Variants in MORC2 observed in about 807,000 individuals in gnomAD.
MORC2 encodes MORC family CW-type zinc finger 2, also known as ATPase MORC2.
Under a neutral mutation model 136.0 loss-of-function variants are expected in MORC2, and 30 were observed. The observed-to-expected ratio is 0.22, with a 90% CI of 0.17 to 0.30. The LOEUF (loss-of-function observed/expected upper bound fraction) is 0.30. Among genes scored for constraint, MORC2 ranks in the 10% least tolerant of loss-of-function variants. MORC2 has a pLI of 1.00. For synonymous variants in MORC2, 439 were observed against 487.0 expected (o/e 0.90, Z 1.30); for missense variants, 922 against 1,333.1 (o/e 0.69, Z 4.80).
rs542961706 is a variant in MORC2, at chr22:30,965,117, A to G, written c.68+2705T>C. Among the ~76,000 whole-genome samples the G allele has an allele frequency of 1.4e-3, 206 of 152,338 alleles. 8 individuals carry two copies. The South Asian group carries it at 0.042, about 31-fold the overall frequency. ...CCAGGTTTGGCTGGTTTGCAAGCAC[A>G]CGGTCTTTTCACTGCACCACACTGA... On this transcript the variant is annotated intron_variant, in intron 1 of 25. Transcript: ENST00000397641.
At position 30,944,677 on chromosome 22, in the gene MORC2, C is replaced by T. The variant is rs573050868; in HGVS notation, c.426+1664G>A. On this transcript the variant is annotated intron_variant, in intron 6 of 25. Transcript: ENST00000397641. Reference sequence around the variant, plus strand: ...TTCCCCTCTTCATTCTTCCCAATTCCAGAGACCCCACTCCCCAACTGCCAC... The same window carrying T: ...TTCCCCTCTTCATTCTTCCCAATTCTAGAGACCCCACTCCCCAACTGCCAC... Among the ~76,000 whole-genome samples, 6 of 152,306 alleles carry T rather than the reference C, an allele frequency of 3.9e-5. No homozygotes were observed. In the South Asian group the frequency reaches 1.0e-3, roughly 26 times the overall value.
chr22:30,932,856 G>A lies in MORC2; in HGVS notation c.2522+33C>T. On this transcript the variant is annotated intron_variant, in intron 22 of 25. Transcript: ENST00000397641. This position sits in a 1 kb window ranked among gnomAD's most constrained non-coding sequence, Gnocchi z 4.4. Reference sequence around the variant, plus strand: ...GGGAGGCCGGGGATACCTCCTTCGAGGAACCACTGCTCCTCCCTGATTGGG... The same window carrying A: ...GGGAGGCCGGGGATACCTCCTTCGAAGAACCACTGCTCCTCCCTGATTGGG... The A allele has an allele frequency of 1.2e-6, 2 of 1,613,994 alleles. No individual in the cohort carries two copies. The highest frequency in any genetic ancestry group is 1.7e-6 in the Non-Finnish European group (2 of 1,179,910).
At chr22:30,951,660 T>C (rs1258233956) in intron 3 of MORC2, among the ~76,000 whole-genome samples, 1 of 152,218 alleles carries the variant, frequency 6.6e-6, no homozygotes, top group Non-Finnish European at 1.5e-5. Flanking sequence ...TTTCGGAATC[T>C]CCCCCAAGCT....
intron 17 of MORC2, 137 bp from the exon 18 acceptor site, chr22:30,935,459 C>G (rs925936106): frequency 1.3e-6 from 1 of 770,822 alleles, no homozygotes; most frequent in African/African-American, 1.8e-5. Flanking sequence ...ACCTCCTGTT[C>G]TCATTGGGGA....
intron 6 of MORC2, among the ~76,000 whole-genome samples, chr22:30,943,031 C>T (rs953997375): frequency 6.6e-6 from 1 of 151,924 alleles, no homozygotes; most frequent in Non-Finnish European, 1.5e-5. Flanking sequence ...ATAAAAATAA[C>T]CCAAATATCC....
chr22:30,940,688 C>T, intron 10 of MORC2, 70 bp downstream of exon 10: 1 of 1,382,404 alleles, frequency 7.2e-7, no homozygotes, highest in Non-Finnish European at 1.0e-6. Context: ...TTCCTGGAAC[C>T]CCACTTTGCC....
chr22:30,961,633 TAGTA>T lies in MORC2; in HGVS notation c.69-2943_69-2940del, dbSNP rs1602514026. Among the ~76,000 whole-genome samples, 4 of 152,258 alleles carry T rather than the reference TAGTA, an allele frequency of 2.6e-5. No homozygotes were observed. In the East Asian group the frequency reaches 7.7e-4, roughly 29 times the overall value. On this transcript the variant is annotated intron_variant, in intron 1 of 25. Coordinates refer to ENST00000397641, the MANE Select transcript of MORC2 (RefSeq NM_001303256.3). ...CCAGAAAAAAACAAGAGCACAACCA[TAGTA>T]AGTATGAGACCACATCTTGCATCAG...
At chr22:30,933,105 AG>A (rs2040600337) in intron 21 of MORC2, 75 bp from the exon 22 acceptor site, 1 of 1,586,270 alleles carries the variant, frequency 6.3e-7, no homozygotes, top group Non-Finnish European at 8.6e-7. Context: ...ACATCGAGAA[AG>A]GCAGTCCCCA....
At chr22:30,948,248 C>G (rs2040846010) in intron 5 of MORC2, among the ~76,000 whole-genome samples, 1 of 152,184 alleles carries the variant, frequency 6.6e-6, no homozygotes, top group Non-Finnish European at 1.5e-5. Context: ...AATGGCTTGC[C>G]TGAGGCCACA....
chr22:30,928,194 T>C lies in MORC2; in HGVS notation c.2855A>G (p.Lys952Arg). The C allele has an allele frequency of 1.2e-6, 2 of 1,614,104 alleles. No homozygotes were observed. The highest frequency in any genetic ancestry group is 1.7e-6 in the Non-Finnish European group (2 of 1,179,998). Residue 952 changes from lysine to arginine, a missense_variant, in exon 25 of 26, where the codon AAG becomes AGG. Physicochemically the swap from Lys to Arg is conservative, Grantham distance 26 (BLOSUM62 2). Coordinates refer to ENST00000397641, the MANE Select transcript of MORC2 (RefSeq NM_001303256.3). ...GTTTTGGAGCCCTACTTCATATTGC[T>C]TGAAGTACTCCTTCTGTTGGGAGCA... ...LISFPLKEYF[K>R]QYEVGLQNLC...
Position 30,940,656 on chromosome 22 carries a change from C to G in MORC2, c.904+102G>C. The stretch of plus-strand genomic sequence containing the variant: ...TATGCTTCAGGAGACCAGCCTTGTC[C>G]CTGAGTTGTGGACTCAGCCTTTTCC... On this transcript the variant is annotated intron_variant, in intron 10 of 25. Coordinates refer to ENST00000397641, the MANE Select transcript of MORC2 (RefSeq NM_001303256.3). 3.0e-6 allele frequency: 3 copies of G among 987,370 alleles called. No individual in the cohort carries two copies. The South Asian group carries it at 3.9e-5, about 13-fold the overall frequency. The allele number at this position is 987,370 out of a possible 1,614,324, so 61.2% of individuals were successfully genotyped here.
In MORC2 at chr22:30,968,665, G is replaced by A. The variant is rs1336854149; in HGVS notation, c.-776C>T. 2.0e-5 allele frequency among the ~76,000 whole-genome samples: 3 copies of A among 151,996 alleles called. No homozygotes were observed. Among genetic ancestry groups the A allele is most frequent in the Non-Finnish European group, 4.4e-5 (3 of 67,962 alleles). On this transcript the variant is annotated 5_prime_UTR_variant, in exon 1 of 26. Transcript: ENST00000397641. ...CCTCCCAGGCCCTTCCCGGGCCTCG[G>A]TCCCGTGGCCGCCTCCCCACGAAGA...
intron 20 of MORC2, 73 bp from the exon 21 acceptor site, chr22:30,933,593 CG>C: frequency 6.8e-7 from 1 of 1,478,518 alleles, no homozygotes; most frequent in Non-Finnish European, 9.4e-7. Context: ...ACTGGCCACC[CG>C]GGGTCATCAG....
In MORC2 at chr22:30,967,890, G is replaced by A; in HGVS notation, c.-1C>T. 1 of 1,548,390 alleles carries A rather than the reference G, an allele frequency of 6.5e-7. No individual in the cohort carries two copies. The highest frequency in any genetic ancestry group is 2.4e-5 in the East Asian group (1 of 40,896). On this transcript the variant is annotated 5_prime_UTR_variant, in exon 1 of 26. Transcript: ENST00000397641. ...GACTGCTGTAATTTGTGAAAGCCAT[G>A]ACTGCAATAAGGTCTCCAGCCCTTC...
Position 30,932,598 on chromosome 22 carries a change from G to C in MORC2, c.2694C>G (p.Thr898=). Residue 898 remains threonine, a synonymous_variant, in exon 23 of 26, where the codon ACC becomes ACG. Coordinates refer to ENST00000397641, the MANE Select transcript of MORC2 (RefSeq NM_001303256.3). The surrounding 1 kb of genome is among the most constrained non-coding windows in gnomAD (Gnocchi z 4.4). Reference sequence around the variant, plus strand: ...TCTCGTGATTGGTGCTCAGGGCAGTGGTGTCAGGCTCAATGCGGAGGCATT... The same window carrying C: ...TCTCGTGATTGGTGCTCAGGGCAGTCGTGTCAGGCTCAATGCGGAGGCATT... ...TSECLRIEPD[T]TALSTNHETI... The C allele has an allele frequency of 6.2e-7, 1 of 1,614,188 alleles. No individual in the cohort carries two copies. Among genetic ancestry groups the C allele is most frequent in the Non-Finnish European group, 8.5e-7 (1 of 1,180,038 alleles).
rs189769173 is a variant in MORC2, at chr22:30,967,872, G to A, written c.18C>T (p.Tyr6=). Residue 6 remains tyrosine, a synonymous_variant, in exon 1 of 26, where the codon TAC becomes TAT. Coordinates refer to ENST00000397641, the MANE Select transcript of MORC2 (RefSeq NM_001303256.3). ...TTAGCTGAGCTCGATTCAGACTGCT[G>A]TAATTTGTGAAAGCCATGACTGCAA... MAFTN[Y]SSLNRAQLTF... 1.7e-5 allele frequency: 27 copies of A among 1,551,054 alleles called. No individual in the cohort carries two copies. The highest frequency in any genetic ancestry group is 1.6e-4 in the Admixed American group (8 of 51,016).
intron 21 of MORC2, 54 bp downstream of exon 21, chr22:30,933,412 T>C (rs2040604970): frequency 1.3e-6 from 2 of 1,592,488 alleles, no homozygotes; most frequent in Non-Finnish European, 1.7e-6. Flanking sequence ...GGGCTCCACT[T>C]CCACTCCCAC....
chr22:30,956,173 AAGG>A (rs1483147407), intron 3 of MORC2, among the ~76,000 whole-genome samples: 1 of 152,220 alleles, frequency 6.6e-6, no homozygotes, highest in Non-Finnish European at 1.5e-5. Flanking sequence ...ACTCTAGGAA[AAGG>A]AGAAGATCTT....
intron 24 of MORC2, among the ~76,000 whole-genome samples, chr22:30,930,747 A>G (rs967853494): frequency 7.9e-5 from 12 of 152,194 alleles, no homozygotes; most frequent in Admixed American, 7.9e-4. Context: ...TCTTTCCTAG[A>G]AAACTTAGCT....
Sources: allele counts gnomAD v4.1 joint callset (sites outside exome capture counted in the v4.1 genomes callset), GRCh38; gene constraint gnomAD v4.1.1; non-coding constraint Gnocchi (gnomAD v3.1); transcripts MANE v1.5; gene names NCBI Gene and HGNC (gene_info 2026-07-23, HGNC 2026-07-21).